Variants in SARDH observed in about 807,000 individuals in gnomAD.
The protein encoded by SARDH is sarcosine dehydrogenase, mitochondrial.
In SARDH, 95 loss-of-function variants were observed where a neutral mutation model predicts 109.1. The ratio of observed to expected loss-of-function variants is 0.87; its 90% confidence interval spans 0.74 to 1.03. SARDH has a LOEUF of 1.03. Among genes scored for constraint, SARDH ranks in the 50% least tolerant of loss-of-function variants. SARDH has a pLI of 0.00. For missense variants in SARDH, 1,267 were observed against 1,287.8 expected (o/e 0.98, Z 0.25); for synonymous variants, 572 against 534.8 (o/e 1.07, Z -0.96).
chr9:133,663,321 G>A (rs1326274312), downstream of SARDH, among the ~76,000 whole-genome samples: 1 of 152,270 alleles, frequency 6.6e-6, no homozygotes. Context: ...AGAACAGGGA[G>A]GTCGAGCAAG....
chr9:133,661,654 T>C (rs1247278879), downstream of SARDH, among the ~76,000 whole-genome samples: 10 of 152,178 alleles, frequency 6.6e-5, no homozygotes, highest in Middle Eastern at 0.01. Flanking sequence ...GCTAATTTTG[T>C]GTTTTTAGTA....
chr9:133,713,141 G>T lies in SARDH; in HGVS notation c.1151-17C>A. On this transcript the variant is annotated splice_polypyrimidine_tract_variant and intron_variant, in intron 8 of 20. Coordinates refer to ENST00000439388, the MANE Select transcript of SARDH (RefSeq NM_001134707.2). ...TGAAGGATTCTGAAAGAAGGAGAGA[G>T]AGGCCTGGAGTCCCTTTTGCAGTGC... 6.2e-7 allele frequency: 1 copy of T among 1,607,094 alleles called. No individual in the cohort carries two copies. The highest frequency in any genetic ancestry group is 8.5e-7 in the Non-Finnish European group (1 of 1,175,442).
Position 133,670,685 on chromosome 9 carries a change from G to A in SARDH, c.2394C>T (p.Thr798=), listed in dbSNP as rs1588378438. 6.2e-7 allele frequency: 1 copy of A among 1,608,308 alleles called. No individual in the cohort carries two copies. Among genetic ancestry groups the A allele is most frequent in the Non-Finnish European group, 8.5e-7 (1 of 1,178,162 alleles). The change falls in exon 19 of 21, where the codon ACC becomes ACT. Residue 798 remains threonine, a synonymous_variant. Coordinates refer to ENST00000439388, the MANE Select transcript of SARDH (RefSeq NM_001134707.2). The part of the protein sequence containing the change: ...DSPLEAGLAF[T]CKLKSPVPFL... ...AGGGCACCGGCGACTTGAGCTTGCA[G>A]GTGAAGGCCAGGCCTGCCTCCAGGG...
intron 17 of SARDH, among the ~76,000 whole-genome samples, chr9:133,679,848 C>T (rs938237474): frequency 1.3e-5 from 2 of 152,184 alleles, no homozygotes; most frequent in Non-Finnish European, 2.9e-5. Flanking sequence ...CAGCGGCAGG[C>T]GCCCGCTCTC....
chr9:133,660,506 C>T (rs1321243203), downstream of SARDH, among the ~76,000 whole-genome samples: 2 of 152,178 alleles, frequency 1.3e-5, no homozygotes, highest in Admixed American at 6.5e-5. Flanking sequence ...TGAAAATGAC[C>T]TACATGCCCC....
rs1241566213 is a variant in SARDH at position 133,715,776 on chromosome 9, C to T, written c.1150+1550G>A. 2.6e-5 allele frequency among the ~76,000 whole-genome samples: 4 copies of T among 152,310 alleles called. No individual in the cohort carries two copies. In the South Asian group the frequency reaches 8.3e-4, roughly 32 times the overall value. On this transcript the variant is annotated intron_variant, in intron 8 of 20. Coordinates refer to ENST00000439388, the MANE Select transcript of SARDH (RefSeq NM_001134707.2). ...GCTGGGCCTGGCCTATGCCCTGCAC[C>T]GCCCCTGTGGCTTCTGGTCCCTAGG...
At chr9:133,701,002 C>T (rs560828706) in intron 13 of SARDH, among the ~76,000 whole-genome samples, 2 of 152,318 alleles carry the variant, frequency 1.3e-5, no homozygotes, top group East Asian at 3.9e-4. Context: ...CCCAAACTCC[C>T]TTTGAGTTTC....
Position 133,717,444 on chromosome 9 carries a change from C to A in SARDH, c.1032G>T (p.Lys344Asn). ...CCAGGTCAAAGAGGCCGAAGGCAAA[C>A]TTGTCTGACACCTGCCAAGGCAGGG... is the stretch of plus-strand genomic sequence containing the variant. Reference protein sequence around the residue: ...NPIFWEEVSDKFAFGLFDLDW... With the variant: ...NPIFWEEVSDNFAFGLFDLDW... The change falls in exon 8 of 21, where the codon AAG becomes AAT. Residue 344 changes from lysine (K) to asparagine (N), a missense_variant. Lys to Asn is a moderately conservative substitution (Grantham distance 94). Transcript: ENST00000439388. The A allele has an allele frequency of 6.2e-7, 1 of 1,614,114 alleles. No homozygotes were observed. Among genetic ancestry groups the A allele is most frequent in the Non-Finnish European group, 8.5e-7 (1 of 1,179,986 alleles).
chr9:133,715,725 C>T (rs1215230775), intron 8 of SARDH, among the ~76,000 whole-genome samples: 1 of 152,164 alleles, frequency 6.6e-6, no homozygotes, highest in Non-Finnish European at 1.5e-5. Flanking sequence ...GTGCCGCCCA[C>T]CTCTACTCAA....
Position 133,670,154 on chromosome 9 carries a change from C to T in SARDH, c.2495+430G>A, listed in dbSNP as rs571857428. Among the ~76,000 whole-genome samples the T allele has an allele frequency of 7.1e-4, 108 of 152,204 alleles. 1 individual carries two copies. The highest frequency in any genetic ancestry group is 2.5e-3 in the African/African-American group (103 of 41,542). On this transcript the variant is annotated intron_variant, in intron 19 of 20. Transcript: ENST00000439388. ...GACCAGCCTGGCCAACATGGTGAAA[C>T]CCCATCTCTACTAAAAGTACAAAAA... is the stretch of plus-strand genomic sequence containing the variant.
Position 133,704,770 on chromosome 9 carries a change from T to C in SARDH, c.1554+178A>G, listed in dbSNP as rs763667734. ...TGCGTGAACGGCACAAAGAATGCACTGAGCCTTGGGGGCAGGTCGGCAGGG... is the reference window on the plus strand; with the variant it reads ...TGCGTGAACGGCACAAAGAATGCACCGAGCCTTGGGGGCAGGTCGGCAGGG... On this transcript the variant is annotated intron_variant, in intron 12 of 20. Coordinates refer to ENST00000439388, the MANE Select transcript of SARDH (RefSeq NM_001134707.2). This position sits in a 1 kb window ranked among gnomAD's most constrained non-coding sequence, Gnocchi z 4.5. Among the ~76,000 whole-genome samples the C allele has an allele frequency of 1.3e-5, 2 of 152,116 alleles. No individual in the cohort carries two copies. Among genetic ancestry groups the C allele is most frequent in the Non-Finnish European group, 2.9e-5 (2 of 68,014 alleles).
upstream of SARDH, among the ~76,000 whole-genome samples, chr9:133,738,986 T>C (rs1194858749): frequency 1.3e-5 from 2 of 152,172 alleles, no homozygotes; most frequent in African/African-American, 2.4e-5. Context: ...CCAGCCTCCA[T>C]TGACTGTTGG....
At chr9:133,705,635 C>T (rs1182887730) in intron 11 of SARDH, among the ~76,000 whole-genome samples, 1 of 152,012 alleles carries the variant, frequency 6.6e-6, no homozygotes, top group Non-Finnish European at 1.5e-5. Flanking sequence ...GCACCTGCCC[C>T]ATCTGCCCTG....
intron 11 of SARDH, among the ~76,000 whole-genome samples, chr9:133,705,765 A>G (rs962292631): frequency 6.6e-6 from 1 of 152,200 alleles, no homozygotes; most frequent in East Asian, 1.9e-4. Flanking sequence ...ATAAATTCGT[A>G]TGTCAAAGCC....
At chr9:133,708,722 A>G (rs1165441302) in intron 10 of SARDH, among the ~76,000 whole-genome samples, 1 of 152,012 alleles carries the variant, frequency 6.6e-6, no homozygotes, top group Non-Finnish European at 1.5e-5. Flanking sequence ...CTCTCCACAC[A>G]TTGCTGTCTG....
At chr9:133,721,364 G>A (rs761590220) in intron 6 of SARDH, among the ~76,000 whole-genome samples, 1 of 152,234 alleles carries the variant, frequency 6.6e-6, no homozygotes, top group Non-Finnish European at 1.5e-5. Context: ...ATCCTGTCAA[G>A]CCATCAATCG....
chr9:133,670,847 GC>G, intron 18 of SARDH, 95 bp from the exon 19 acceptor site: 1 of 1,413,784 alleles, frequency 7.1e-7, no homozygotes, highest in South Asian at 1.5e-5. Flanking sequence ...ACCCCCTCCA[GC>G]CCCTAGCCAC....
chr9:133,730,348 C>T (rs1327137570), intron 4 of SARDH, among the ~76,000 whole-genome samples, 161 bp from the exon 5 acceptor site: 5 of 152,070 alleles, frequency 3.3e-5, no homozygotes, highest in Non-Finnish European at 5.9e-5. Flanking sequence ...ATGACCACAG[C>T]GCCAGAAAAC....
At chr9:133,738,496 C>A, upstream of SARDH, 1 of 152,414 alleles carries the variant, frequency 6.6e-6, no homozygotes, top group Non-Finnish European at 1.5e-5. Flanking sequence ...CCTCTGAGGG[C>A]GGCAGAGCAG....
Sources: allele counts gnomAD v4.1 joint callset (sites outside exome capture counted in the v4.1 genomes callset), GRCh38; gene constraint gnomAD v4.1.1; non-coding constraint Gnocchi (gnomAD v3.1); transcripts MANE v1.5; gene names NCBI Gene and HGNC (gene_info 2026-07-23, HGNC 2026-07-21).